The following BMS1 variants were observed in gnomAD, a reference collection of about 807,000 sequenced individuals.
The protein encoded by BMS1 is BMS1 ribosome biogenesis factor.
In BMS1, 53 loss-of-function variants were observed where a neutral mutation model predicts 138.7. That is an observed-to-expected ratio of 0.38 (90% confidence interval 0.31 to 0.48). BMS1 has a LOEUF of 0.48. Among genes scored for constraint, BMS1 ranks in the 20% least tolerant of loss-of-function variants. BMS1 has a pLI of 0.97. For synonymous variants in BMS1, 504 were observed against 539.9 expected, an observed-to-expected ratio of 0.93 and a Z score of 0.92; for missense variants, 1,360 against 1,565.5, an observed-to-expected ratio of 0.87 and a Z score of 2.22.
rs1564415169 is a variant in BMS1, at chr10:42,797,438, G to A, written c.2004G>A (p.Lys668=). Residue 668 remains lysine (K), a synonymous_variant, in exon 11 of 23, where the codon AAG becomes AAA. Transcript: ENST00000374518. The part of the protein sequence containing the change: ...SKETSGALKW[K]EDLSRKAAEA... ...TCGTTTCAGGTGCCCTCAAGTGGAA[G>A]GAAGACCTTTCCAGAAAGGCAGCTG... 1 of 1,614,176 alleles carries A rather than the reference G, an allele frequency of 6.2e-7. No homozygotes were observed. The highest frequency in any genetic ancestry group is 8.5e-7 in the Non-Finnish European group (1 of 1,180,030).
intron 22 of BMS1, among the ~76,000 whole-genome samples, 189 bp from the exon 23 acceptor site, chr10:42,830,677 C>G (rs1308461672): frequency 6.6e-6 from 1 of 152,048 alleles, no homozygotes. Flanking sequence ...GAATGATGAA[C>G]AGAGGTGGTA....
intron 13 of BMS1, among the ~76,000 whole-genome samples, chr10:42,809,983 A>C (rs1220106383): frequency 5.8e-5 from 7 of 120,486 alleles, no homozygotes. Flanking sequence ...TTGTAGAGCC[A>C]GGTCTTACTG....
At chr10:42,825,266 C>T (rs935647883) in intron 21 of BMS1, among the ~76,000 whole-genome samples, 1 of 152,182 alleles carries the variant, frequency 6.6e-6, no homozygotes, top group African/African-American at 2.4e-5. Context: ...TGTGGTCTCT[C>T]AAAGTGCTGG....
intron 13 of BMS1, among the ~76,000 whole-genome samples, chr10:42,811,526 CT>C (rs60192795): frequency 5.9e-4 from 62 of 105,548 alleles, no homozygotes; most frequent in African/African-American, 6.3e-4. Flanking sequence ...TTTTCTTTTT[CT>C]TTTTTTTTTT....
chr10:42,805,683 A>AT (rs1841993389), intron 13 of BMS1, among the ~76,000 whole-genome samples: 1 of 152,218 alleles, frequency 6.6e-6, no homozygotes, highest in South Asian at 2.1e-4. Context: ...TACAGGTCTT[A>AT]TACAACTCTC....
At chr10:42,800,091 G>C (rs1288882742) in intron 12 of BMS1, among the ~76,000 whole-genome samples, 2 of 152,154 alleles carry the variant, frequency 1.3e-5, no homozygotes, top group Admixed American at 1.3e-4. Flanking sequence ...CTGAGCTGTG[G>C]GTTGTGGCTA....
chr10:42,805,656 C>T (rs1841992704), intron 13 of BMS1, among the ~76,000 whole-genome samples: 1 of 152,174 alleles, frequency 6.6e-6, no homozygotes, highest in South Asian at 2.1e-4. Context: ...TAATTTCTCT[C>T]AGCAAGGTTT....
chr10:42,791,944 G>A (rs1361886771), intron 6 of BMS1, among the ~76,000 whole-genome samples, 175 bp downstream of exon 6: 2 of 152,178 alleles, frequency 1.3e-5, no homozygotes, highest in African/African-American at 4.8e-5. Context: ...GCCTTTGGGA[G>A]TAAATTAATT....
chr10:42,794,826 A>G (rs887272855), intron 9 of BMS1, among the ~76,000 whole-genome samples: 4 of 151,204 alleles, frequency 2.6e-5, no homozygotes, highest in Non-Finnish European at 4.4e-5. Flanking sequence ...GGTTAGTTAC[A>G]TATGTATACA....
chr10:42,826,657 G>A (rs1338536773), intron 21 of BMS1, among the ~76,000 whole-genome samples: 1 of 152,210 alleles, frequency 6.6e-6, no homozygotes, highest in Non-Finnish European at 1.5e-5. Flanking sequence ...TGTTTGTCCT[G>A]AAGGGCAAGG....
At chr10:42,824,565 G>A (rs905349471) in intron 21 of BMS1, among the ~76,000 whole-genome samples, 2 of 152,128 alleles carry the variant, frequency 1.3e-5, no homozygotes, top group African/African-American at 2.4e-5. Context: ...TAAGGCCAAC[G>A]TCAAGAGGCT....
At chr10:42,809,895 C>T (rs1457916514) in intron 13 of BMS1, among the ~76,000 whole-genome samples, 2 of 152,022 alleles carry the variant, frequency 1.3e-5, no homozygotes, top group African/African-American at 4.8e-5. Context: ...CAGTGATCCT[C>T]CTGCCTCCAC....
In BMS1 at chr10:42,796,754, A is replaced by G; in HGVS notation, c.1510A>G (p.Ser504Gly). The G allele has an allele frequency of 1.2e-6, 2 of 1,614,220 alleles. No homozygotes were observed. The highest frequency in any genetic ancestry group is 1.7e-6 in the Non-Finnish European group (2 of 1,180,036). The change falls in exon 10 of 23, where the codon AGT becomes GGT. Residue 504 changes from serine (S) to glycine (G), a missense_variant. By Grantham distance (56) the Ser-to-Gly change is moderately conservative (BLOSUM62 0). This residue lies in a region of BMS1 where 697 missense variants were observed against 686.2 expected (regional missense o/e 1.02). Transcript: ENST00000374518. ...SEMDLPAFAD[S>G]DDDLERSSAE... ...AATGGATTTGCCAGCATTTGCTGAC[A>G]GTGACGATGACCTTGAGAGGAGCTC...
At chr10:42,807,308 G>A (rs1004032778) in intron 13 of BMS1, among the ~76,000 whole-genome samples, 1 of 152,138 alleles carries the variant, frequency 6.6e-6, no homozygotes, top group Non-Finnish European at 1.5e-5. Context: ...ATAAACTTTT[G>A]TGAGGGGCTT....
chr10:42,797,087 A>G lies in BMS1; in HGVS notation c.1843A>G (p.Lys615Glu), dbSNP rs770041995. 9.3e-6 allele frequency: 15 copies of G among 1,614,142 alleles called. No homozygotes were observed. The East Asian group carries it at 3.3e-4, about 36-fold the overall frequency. The part of the protein sequence containing the change: ...EDSENEEAIR[K>E]KLSKPSQVSS... ...CTCAGAAAATGAAGAGGCTATTAGA[A>G]AAAAGCTTTCAAAGCCTTCTCAAGT... The change falls in exon 10 of 23, where the codon AAA becomes GAA. Residue 615 changes from lysine (K) to glutamate (E), a missense_variant. Around this residue, in one of 3 missense-constraint regions of BMS1, gnomAD observed 697 missense variants for 686.2 expected, o/e 1.02. Coordinates refer to ENST00000374518, the MANE Select transcript of BMS1 (RefSeq NM_014753.4).
intron 13 of BMS1, among the ~76,000 whole-genome samples, chr10:42,803,900 T>G (rs1047105032): frequency 1.3e-5 from 2 of 152,244 alleles, no homozygotes; most frequent in African/African-American, 4.8e-5. Flanking sequence ...TAACTCTCCA[T>G]CTTGTCCTCT....
intron 11 of BMS1, 82 bp from the exon 12 acceptor site, chr10:42,798,386 C>G: frequency 6.5e-7 from 1 of 1,549,960 alleles, no homozygotes; most frequent in Non-Finnish European, 8.8e-7. Flanking sequence ...TTCAAAGACT[C>G]ATGGCCTAAC....
In BMS1 at chr10:42,796,908, A is replaced by G; in HGVS notation, c.1664A>G (p.Asn555Ser). The change falls in exon 10 of 23, where the codon AAT becomes AGT. Residue 555 changes from asparagine (N) to serine (S), a missense_variant. By Grantham distance (46) the Asn-to-Ser change is conservative. Around this residue, in one of 3 missense-constraint regions of BMS1, gnomAD observed 697 missense variants for 686.2 expected, o/e 1.02. Coordinates refer to ENST00000374518, the MANE Select transcript of BMS1 (RefSeq NM_014753.4). ...EGSKAGLSPANCQSDRVNLEK... is the reference protein window; with the variant it reads ...EGSKAGLSPASCQSDRVNLEK... ...AGTAAAGCAGGGCTGTCACCAGCTA[A>G]TTGCCAGAGTGACCGTGTGAATCTG... 2 of 1,614,194 alleles carry G rather than the reference A, an allele frequency of 1.2e-6. No homozygotes were observed. The highest frequency in any genetic ancestry group is 1.7e-6 in the Non-Finnish European group (2 of 1,180,036).
In BMS1 at chr10:42,785,756, G is replaced by C. The variant is rs1841308657; in HGVS notation, c.367+84G>C. 17 of 1,418,086 alleles carry C rather than the reference G, an allele frequency of 1.2e-5. No homozygotes were observed. The South Asian group carries it at 1.8e-4, about 15-fold the overall frequency. The allele number at this position is 1,418,086 out of a possible 1,614,324, so 87.8% of individuals were successfully genotyped here. A position where few individuals can be genotyped will look rare whatever the true frequency, so the allele number is the denominator to read the frequency against. On this transcript the variant is annotated intron_variant, in intron 3 of 22. Transcript: ENST00000374518. The stretch of plus-strand genomic sequence containing the variant: ...CATGCGTTTGTTGTTTTCTTGAGTG[G>C]AACATGTTAAATATTGTCATATCAT...
Sources: gnomAD v4.1 joint callset for allele counts (sites outside exome capture counted in the v4.1 genomes callset) on GRCh38, gnomAD v4.1.1 for gene constraint, gnomAD v4.1.1 regional missense constraint, MANE v1.5 for transcripts, NCBI Gene and HGNC (gene_info 2026-07-23, HGNC 2026-07-21) for gene names.